THSD7B: variants seen among roughly 807,000 people sequenced by gnomAD.
THSD7B encodes thrombospondin type 1 domain containing 7B.
A neutral mutation model predicts 213.6 loss-of-function variants in THSD7B; 138 were observed. The observed-to-expected ratio is 0.65, with a 90% CI of 0.56 to 0.74. THSD7B has a LOEUF of 0.74. Ranked by LOEUF, THSD7B falls within the 30% of genes least tolerant of loss-of-function variation. THSD7B has a pLI of 0.00. For synonymous variants in THSD7B, 742 were observed against 687.0 expected (o/e 1.08, Z -1.25); for missense variants, 1,931 against 1,991.5 (o/e 0.97, Z 0.58).
intron 15 of THSD7B, among the ~76,000 whole-genome samples, chr2:137,477,006 G>A (rs1688208294): frequency 6.6e-6 from 1 of 152,218 alleles, no homozygotes; most frequent in African/African-American, 2.4e-5. Flanking sequence ...TGGATGAAAT[G>A]TTCTGTATGT....
intron 17 of THSD7B, among the ~76,000 whole-genome samples, chr2:137,600,674 G>T (rs1210627202): frequency 6.6e-6 from 1 of 152,170 alleles, no homozygotes; most frequent in African/African-American, 2.4e-5. Context: ...TGGGGAAGAG[G>T]TTGCAGTGAG....
chr2:137,012,163 T>G (rs1686242953), intron 2 of THSD7B, among the ~76,000 whole-genome samples: 1 of 152,216 alleles, frequency 6.6e-6, no homozygotes, highest in Non-Finnish European at 1.5e-5. Context: ...ACATCTTCTA[T>G]AATTCAATTG....
At chr2:137,370,684 G>T (rs1341128544) in intron 12 of THSD7B, among the ~76,000 whole-genome samples, 3 of 152,006 alleles carry the variant, frequency 2.0e-5, no homozygotes, top group African/African-American at 7.2e-5. Flanking sequence ...GGCCAGGCTG[G>T]TCTTGAACTC....
intron 7 of THSD7B, among the ~76,000 whole-genome samples, chr2:137,226,241 A>G (rs1681501420): frequency 6.6e-6 from 1 of 152,014 alleles, no homozygotes; most frequent in South Asian, 2.1e-4. Context: ...AGTACCCAGT[A>G]TGCATTATTT....
rs1215185747 is a variant in THSD7B at position 137,590,792 on chromosome 2, G to GTTT, written c.3423+18255_3423+18257dup. ...GCATTTTTCCCTCTGCTTTGAAATAGTTTTTTTTTTTTTTTTTTTTTAGCT... is the reference window on the plus strand; with the variant it reads ...GCATTTTTCCCTCTGCTTTGAAATAGTTTTTTTTTTTTTTTTTTTTTTTTAGCT... On this transcript the variant is annotated intron_variant, in intron 17 of 27. Coordinates refer to ENST00000409968, the MANE Select transcript of THSD7B (RefSeq NM_001316349.2). Among the ~76,000 whole-genome samples, 25 of 88,692 alleles carry GTTT rather than the reference G, an allele frequency of 2.8e-4. 1 individual carries two copies. The highest frequency in any genetic ancestry group is 2.4e-3 in the East Asian group (7 of 2,890). The allele number at this position is 88,692 out of a possible 152,430, so 58.2% of individuals were successfully genotyped here.
At chr2:137,002,808 T>G (rs563984201) in intron 2 of THSD7B, among the ~76,000 whole-genome samples, 1 of 152,288 alleles carries the variant, frequency 6.6e-6, no homozygotes, top group African/African-American at 2.4e-5. Flanking sequence ...CTTTAAAAAC[T>G]ATATTTCCCT....
At chr2:137,662,345 A>C (rs755133105) in intron 25 of THSD7B, among the ~76,000 whole-genome samples, 1 of 150,728 alleles carries the variant, frequency 6.6e-6, no homozygotes, top group Non-Finnish European at 1.5e-5. Context: ...GGCCTCCCAA[A>C]GTGCTGGGAT....
At chr2:137,032,947 T>C (rs1186705544) in intron 2 of THSD7B, among the ~76,000 whole-genome samples, 1 of 152,226 alleles carries the variant, frequency 6.6e-6, no homozygotes, top group East Asian at 1.9e-4. Context: ...TATGTATTTT[T>C]AATGGCCACT....
intron 7 of THSD7B, among the ~76,000 whole-genome samples, chr2:137,201,635 A>G (rs562313489): frequency 6.6e-6 from 1 of 152,320 alleles, no homozygotes; most frequent in Non-Finnish European, 1.5e-5. Flanking sequence ...ACCAAACCCC[A>G]GTGCAGAATT....
intron 1 of THSD7B, among the ~76,000 whole-genome samples, chr2:136,767,670 G>A (rs1018704321): frequency 1.4e-4 from 21 of 152,100 alleles, no homozygotes; most frequent in African/African-American, 3.9e-4. Context: ...GGATAGTCTC[G>A]TATAAATCAG....
intron 2 of THSD7B, among the ~76,000 whole-genome samples, chr2:136,941,664 G>A (rs191670490): frequency 3.5e-4 from 54 of 152,294 alleles, no homozygotes; most frequent in Admixed American, 3.1e-3. Context: ...CTTTTGAGAA[G>A]TGTCTGTTCA....
At chr2:137,603,147 G>A (rs969261782) in intron 17 of THSD7B, among the ~76,000 whole-genome samples, 6 of 152,060 alleles carry the variant, frequency 3.9e-5, no homozygotes, top group African/African-American at 9.7e-5. Flanking sequence ...GCCTCCCCTC[G>A]CCTGAGTATC....
chr2:137,172,051 CAG>C, intron 7 of THSD7B, among the ~76,000 whole-genome samples: 1 of 152,290 alleles, frequency 6.6e-6, no homozygotes, highest in Admixed American at 6.5e-5. Flanking sequence ...AATTTAGTAA[CAG>C]ATCACTTTCG....
chr2:136,904,051 GTGTCCCCAAA>G (rs78223177), intron 2 of THSD7B, among the ~76,000 whole-genome samples: 64,611 of 150,906 alleles, frequency 0.43, 15,454 homozygotes, highest in Non-Finnish European at 0.55. Flanking sequence ...AGTCCCAGCT[GTGTCCCCAAA>G]TGTTCCTCAA....
intron 2 of THSD7B, among the ~76,000 whole-genome samples, chr2:136,981,487 C>A (rs1685577184): frequency 6.6e-6 from 1 of 152,108 alleles, no homozygotes; most frequent in South Asian, 2.1e-4. Context: ...CTGCTTGTCT[C>A]TTCATTTTTT....
intron 12 of THSD7B, among the ~76,000 whole-genome samples, chr2:137,310,670 T>C (rs558991393): frequency 6.6e-6 from 1 of 152,274 alleles, no homozygotes; most frequent in East Asian, 1.9e-4. Flanking sequence ...CCATCTTGAA[T>C]TGATTTTTGT....
intron 5 of THSD7B, among the ~76,000 whole-genome samples, chr2:137,141,634 A>G (rs569201067): frequency 6.6e-6 from 1 of 152,060 alleles, no homozygotes; most frequent in African/African-American, 2.4e-5. Flanking sequence ...CATGGGGGAA[A>G]CTTAGTGAAA....
intron 3 of THSD7B, among the ~76,000 whole-genome samples, chr2:137,063,620 T>G (rs1687320555): frequency 6.6e-6 from 1 of 151,016 alleles, no homozygotes; most frequent in Admixed American, 6.6e-5. Flanking sequence ...TAGGTTGTAT[T>G]CATTCTTTCT....
chr2:137,618,693 TGGG>T (rs1682456428), intron 19 of THSD7B, among the ~76,000 whole-genome samples, 186 bp downstream of exon 19: 1 of 152,206 alleles, frequency 6.6e-6, no homozygotes, highest in Non-Finnish European at 1.5e-5. Flanking sequence ...TCAAAATGAC[TGGG>T]AAAGGTCATT....
Sources: allele counts gnomAD v4.1 joint callset (sites outside exome capture counted in the v4.1 genomes callset), GRCh38; gene constraint gnomAD v4.1.1; transcripts MANE v1.5; gene names NCBI Gene and HGNC (gene_info 2026-07-23, HGNC 2026-07-21).